The following EIPR1 variants were observed in gnomAD, a reference collection of about 807,000 sequenced individuals.
EIPR1 encodes EARP and GARP complex-interacting protein 1.
EIPR1 carries 25 observed loss-of-function variants against 48.1 expected under a neutral mutation model. That is an observed-to-expected ratio of 0.52 (90% confidence interval 0.38 to 0.73). The LOEUF (loss-of-function observed/expected upper bound fraction) is 0.73, where lower values mean the gene tolerates loss of function less well. EIPR1 is among the 30% of genes least tolerant of loss of function. The pLI, the probability that EIPR1 is intolerant of heterozygous loss-of-function variation, is 0.00. For synonymous variants in EIPR1, 204 were observed against 201.9 expected (o/e 1.01, Z -0.09); for missense variants, 415 against 506.2 (o/e 0.82, Z 1.73).
intron 1 of EIPR1, among the ~76,000 whole-genome samples, chr2:3,374,064 A>T (rs1659788284): frequency 7.0e-6 from 1 of 142,380 alleles, no homozygotes; most frequent in Non-Finnish European, 1.6e-5. Flanking sequence ...GAGCCCTCAG[A>T]AATAATGCCG....
chr2:3,371,788 C>T (rs1671121802), intron 1 of EIPR1, among the ~76,000 whole-genome samples: 1 of 152,162 alleles, frequency 6.6e-6, no homozygotes. Flanking sequence ...TAATGGGAGA[C>T]TTTAACACCC....
chr2:3,365,480 CT>C (rs11305564), intron 1 of EIPR1, among the ~76,000 whole-genome samples: 73,370 of 146,658 alleles, frequency 0.5, 19,066 homozygotes, highest in Admixed American at 0.61. Flanking sequence ...TCAGAAAAAG[CT>C]TTTTTTTTTT....
At chr2:3,231,700 T>C (rs1381546617) in intron 4 of EIPR1, among the ~76,000 whole-genome samples, 4 of 152,208 alleles carry the variant, frequency 2.6e-5, no homozygotes, top group African/African-American at 7.2e-5. Flanking sequence ...TTAATAATGG[T>C]ATATAATCCT....
intron 4 of EIPR1, among the ~76,000 whole-genome samples, chr2:3,236,998 A>T (rs1243725008): frequency 6.6e-6 from 1 of 151,996 alleles, no homozygotes; most frequent in Non-Finnish European, 1.5e-5. Context: ...CACGAGAAAA[A>T]CAAAGCCGGG....
Position 3,199,061 on chromosome 2 carries a change from G to GCC in EIPR1, c.517-2046_517-2045dup, listed in dbSNP as rs1334678710. 1.6e-3 allele frequency among the ~76,000 whole-genome samples: 35 copies of GCC among 22,538 alleles called. 4 individuals are homozygous for GCC. The highest frequency in any genetic ancestry group is 3.5e-3 in the African/African-American group (22 of 6,324). The allele number at this position is 22,538 out of a possible 152,430, so 14.8% of individuals were successfully genotyped here. On this transcript the variant is annotated intron_variant, in intron 5 of 8. Transcript: ENST00000382125. ...ACCCCCAGAGTGGCCATTTTAGAGG[G>GCC]CCCCCCCCCCGCCCCGGGAATGCAT...
chr2:3,360,174 C>T (rs969285105), intron 1 of EIPR1, among the ~76,000 whole-genome samples: 2 of 152,088 alleles, frequency 1.3e-5, no homozygotes, highest in East Asian at 1.9e-4. Flanking sequence ...GAGGCCGAGG[C>T]GAGCAGATCA....
chr2:3,251,723 C>CATACTTT (rs983926163), intron 4 of EIPR1, among the ~76,000 whole-genome samples: 14 of 152,170 alleles, frequency 9.2e-5, no homozygotes, highest in Non-Finnish European at 1.3e-4. Context: ...CCATATACAG[C>CATACTTT]ATACTTTATT....
intron 3 of EIPR1, among the ~76,000 whole-genome samples, chr2:3,332,879 C>T (rs1669940838): frequency 6.6e-6 from 1 of 152,178 alleles, no homozygotes; most frequent in Non-Finnish European, 1.5e-5. Context: ...TATCAGTAAT[C>T]GATGGCAATC....
At chr2:3,313,240 AAGGCAGTG>A (rs1669182325) in intron 3 of EIPR1, among the ~76,000 whole-genome samples, 1 of 152,210 alleles carries the variant, frequency 6.6e-6, no homozygotes, top group African/African-American at 2.4e-5. Flanking sequence ...GAGAGGGTTA[AAGGCAGTG>A]AGGACCCAAT....
rs1668203965 is a variant in EIPR1 at position 3,286,936 on chromosome 2, TGGGGAGCACACAGAGTGCCAGCC to T, written c.260-29504_260-29482del. Among the ~76,000 whole-genome samples the T allele has an allele frequency of 7.4e-6, 1 of 135,160 alleles. No homozygotes were observed. Among genetic ancestry groups the T allele is most frequent in the Non-Finnish European group, 1.6e-5 (1 of 63,624 alleles). The allele number at this position is 135,160 out of a possible 152,430, so 88.7% of individuals were successfully genotyped here. A position where few individuals can be genotyped will look rare whatever the true frequency, so the allele number is the denominator to read the frequency against. On this transcript the variant is annotated intron_variant, in intron 3 of 8. Transcript: ENST00000382125. This position sits in a 1 kb window ranked among gnomAD's most constrained non-coding sequence, Gnocchi z 4.2. Reference sequence around the variant, plus strand: ...GAGTGCCAGCCGGCAGAGGGGGCGGTGGGGAGCACACAGAGTGCCAGCCGGCAGAGGGGGCGGTGGGGAGCACA... The same window carrying T: ...GAGTGCCAGCCGGCAGAGGGGGCGGTGGCAGAGGGGGCGGTGGGGAGCACA...
At chr2:3,347,736 C>T (rs186886230) in intron 2 of EIPR1, among the ~76,000 whole-genome samples, 2 of 152,324 alleles carry the variant, frequency 1.3e-5, no homozygotes, top group African/African-American at 4.8e-5. Flanking sequence ...GTATGGCAGA[C>T]CATCTAGGGA....
chr2:3,348,272 G>A (rs1036263613), intron 2 of EIPR1, among the ~76,000 whole-genome samples: 22 of 152,110 alleles, frequency 1.4e-4, no homozygotes, highest in African/African-American at 5.3e-4. Flanking sequence ...CCTGGTCACC[G>A]GGGCAATGCT....
intron 4 of EIPR1, among the ~76,000 whole-genome samples, chr2:3,224,115 G>A (rs1222520034): frequency 6.6e-6 from 1 of 152,090 alleles, no homozygotes; most frequent in Non-Finnish European, 1.5e-5. Context: ...AGGTTGTCTG[G>A]AGACACCGCC....
At chr2:3,311,796 G>A (rs1231168537) in intron 3 of EIPR1, among the ~76,000 whole-genome samples, 4 of 151,344 alleles carry the variant, frequency 2.6e-5, no homozygotes, top group Admixed American at 6.6e-5. Context: ...GGCTCCATTC[G>A]CGGGGTGCTG....
At chr2:3,275,158 G>C (rs1280181410) in intron 3 of EIPR1, among the ~76,000 whole-genome samples, 7 of 152,130 alleles carry the variant, frequency 4.6e-5, no homozygotes, top group Admixed American at 2.6e-4. Context: ...GCAAAACATT[G>C]TTTACAAGAC....
chr2:3,294,652 A>ACTGC (rs1668479752), intron 3 of EIPR1, among the ~76,000 whole-genome samples: 1 of 30,808 alleles, frequency 3.2e-5, no homozygotes. Flanking sequence ...CCTCTCTCCA[A>ACTGC]ACACACACCC....
chr2:3,257,276 G>C lies in EIPR1; in HGVS notation c.416+23C>G, dbSNP rs6711665. ...GCCAACCTGCAGGCTCGTTCTGGGC[G>C]CATGAAATATGCAAAATCCTACCAG... On this transcript the variant is annotated intron_variant, in intron 4 of 8. Coordinates refer to ENST00000382125, the MANE Select transcript of EIPR1 (RefSeq NM_003310.5). 7 of 1,604,760 alleles carry C rather than the reference G, an allele frequency of 4.4e-6. No individual in the cohort carries two copies. The African/African-American group carries it at 5.4e-5, about 12-fold the overall frequency.
intron 4 of EIPR1, among the ~76,000 whole-genome samples, chr2:3,250,565 G>A (rs944197113): frequency 6.6e-6 from 1 of 152,190 alleles, no homozygotes; most frequent in African/African-American, 2.4e-5. Flanking sequence ...ATTTTGTGAT[G>A]TGAGAAGGAC....
Position 3,286,779 on chromosome 2 carries a change from T to C in EIPR1, c.260-29324A>G, listed in dbSNP as rs988802746. Among the ~76,000 whole-genome samples, 3 of 152,134 alleles carry C rather than the reference T, an allele frequency of 2.0e-5. No homozygotes were observed. Among genetic ancestry groups the C allele is most frequent in the African/African-American group, 7.2e-5 (3 of 41,446 alleles). ...AAGAGGCGGAGCTATCAATTTCACATACAGACAAGGAAACCAAGGCTTGGA... is the reference window on the plus strand; with the variant it reads ...AAGAGGCGGAGCTATCAATTTCACACACAGACAAGGAAACCAAGGCTTGGA... On this transcript the variant is annotated intron_variant, in intron 3 of 8. Coordinates refer to ENST00000382125, the MANE Select transcript of EIPR1 (RefSeq NM_003310.5). This position sits in a 1 kb window ranked among gnomAD's most constrained non-coding sequence, Gnocchi z 4.2.
Sources: gnomAD v4.1 joint callset for allele counts (sites outside exome capture counted in the v4.1 genomes callset) on GRCh38, gnomAD v4.1.1 for gene constraint, Gnocchi (gnomAD v3.1) non-coding constraint, MANE v1.5 for transcripts, NCBI Gene and HGNC (gene_info 2026-07-23, HGNC 2026-07-21) for gene names.